NEB: variants seen among roughly 807,000 people sequenced by gnomAD.
The protein encoded by NEB is nemaline myopathy type 2.
In NEB, 512 loss-of-function variants were observed where a neutral mutation model predicts 952.2. That is an observed-to-expected ratio of 0.54 (90% CI 0.50 to 0.58). NEB has a LOEUF of 0.58. Ranked by LOEUF, NEB falls within the 20% of genes least tolerant of loss-of-function variation. The pLI is 0.00. For synonymous variants in NEB, 2,900 were observed against 3,149.8 expected (o/e 0.92, Z 2.66); for missense variants, 8,428 against 9,231.1 (o/e 0.91, Z 3.56).
In NEB at chr2:151,524,392, G is replaced by C. The variant is rs1435249313; in HGVS notation, c.22398C>G (p.Arg7466=). The change falls in exon 153 of 182, where the codon CGC becomes CGG. Residue 7466 remains arginine (R), a synonymous_variant. Coordinates refer to ENST00000397345, the MANE Select transcript of NEB (RefSeq NM_001164508.2). ...TGCTTAAGCCATGGCTGCCTTCCTTGCGGTGCTTGGCTCTGTACTCCACCT... is the reference window on the plus strand; with the variant it reads ...TGCTTAAGCCATGGCTGCCTTCCTTCCGGTGCTTGGCTCTGTACTCCACCT... ...ASEVEYRAKH[R]KEGSHGLSML... 6.2e-7 allele frequency: 1 copy of C among 1,613,960 alleles called. No individual in the cohort carries two copies. The highest frequency in any genetic ancestry group is 1.7e-5 in the Admixed American group (1 of 60,020).
At chr2:151,560,945 A>G (rs201399589) in intron 123 of NEB, 59 bp downstream of exon 123, 7 of 1,044,880 alleles carry the variant, frequency 6.7e-6, no homozygotes, top group African/African-American at 1.6e-5. Flanking sequence ...TTATTCTCTT[A>G]CTGTCCCAGA....
Position 151,519,778 on chromosome 2 carries a change from A to G in NEB, c.22480-10T>C. On this transcript the variant is annotated splice_polypyrimidine_tract_variant and intron_variant, in intron 153 of 181. Transcript: ENST00000397345. ...TTTCTCGGTATTTAACCTAACAGCAAATGCAAACATCCAAATTATTCCTGG... is the reference window on the plus strand; with the variant it reads ...TTTCTCGGTATTTAACCTAACAGCAGATGCAAACATCCAAATTATTCCTGG... 7.8e-6 allele frequency: 12 copies of G among 1,530,706 alleles called. No individual in the cohort carries two copies. The highest frequency in any genetic ancestry group is 1.1e-5 in the Non-Finnish European group (12 of 1,104,672). 94.8% of individuals were successfully genotyped at this position (1,530,706 alleles called of 1,614,324 possible).
At position 151,552,744 on chromosome 2, in the gene NEB, C is replaced by G. The variant is rs572870212; in HGVS notation, c.19764G>C (p.Arg6588Ser). 6.2e-7 allele frequency: 1 copy of G among 1,613,088 alleles called. No homozygotes were observed. Among genetic ancestry groups the G allele is most frequent in the African/African-American group, 1.3e-5 (1 of 74,884 alleles). Reference protein sequence around the residue: ...IKYKAHMLKTRNDYKLVTDTP... With the variant: ...IKYKAHMLKTSNDYKLVTDTP... ...TATCTGTGACAAGCTTGTAGTCATT[C>G]CTTGTTTTCAACATGTGAGCTTTAT... Residue 6588 changes from arginine to serine, a missense_variant, in exon 128 of 182, where the codon AGG becomes AGC. By Grantham distance (110) the Arg-to-Ser change is moderately radical. Transcript: ENST00000397345.
rs1381693818 is a variant in NEB, at chr2:151,697,269, T to C, written c.1366-17A>G. 1.2e-6 allele frequency: 2 copies of C among 1,612,032 alleles called. No homozygotes were observed. Among genetic ancestry groups the C allele is most frequent in the Admixed American group, 3.3e-5 (2 of 60,026 alleles). On this transcript the variant is annotated splice_polypyrimidine_tract_variant and intron_variant, in intron 15 of 181. Transcript: ENST00000397345. ...GTAGTTTTTCTATGAGGAGAAGAAA[T>C]TAGGCATAAGATGCAGCCATTGTAT...
intron 74 of NEB, 51 bp downstream of exon 74, chr2:151,618,224 A>C: frequency 6.7e-7 from 1 of 1,500,740 alleles, no homozygotes; most frequent in Non-Finnish European, 9.2e-7. Flanking sequence ...AGAATTTTTA[A>C]ATTGTTCTGT....
intron 153 of NEB, among the ~76,000 whole-genome samples, chr2:151,521,410 TAAA>T (rs904250287): frequency 4.1e-5 from 6 of 147,902 alleles, no homozygotes; most frequent in Admixed American, 1.3e-4. Flanking sequence ...ACTCTCAACA[TAAA>T]GAAGTGGAAG....
Position 151,650,633 on chromosome 2 carries a change from A to C in NEB, c.7168T>G (p.Cys2390Gly). Residue 2390 changes from cysteine to glycine, a missense_variant, in exon 53 of 182, where the codon TGT becomes GGT. Transcript: ENST00000397345. ...DYKNYLHQWT[C>G]LPDQNDVVQA... ...ACAACATCGTTCTGATCAGGCAGAC[A>C]TGTCCACTGATGCAGGTAGTTCTTG... 1.9e-6 allele frequency: 3 copies of C among 1,611,860 alleles called. No homozygotes were observed. The highest frequency in any genetic ancestry group is 2.5e-6 in the Non-Finnish European group (3 of 1,178,486).
At chr2:151,618,828 C>T (rs771796745) in intron 73 of NEB, among the ~76,000 whole-genome samples, 4 of 152,070 alleles carry the variant, frequency 2.6e-5, no homozygotes, top group African/African-American at 7.2e-5. Flanking sequence ...ACTGATGGTG[C>T]GTGAGTACTG....
intron 46 of NEB, among the ~76,000 whole-genome samples, chr2:151,660,860 C>G (rs573971362): frequency 2.1e-3 from 317 of 152,268 alleles, no homozygotes; most frequent in South Asian, 8.3e-3. Flanking sequence ...TCTGCATAAT[C>G]CAATATGGTA....
intron 147 of NEB, 79 bp downstream of exon 147, chr2:151,527,402 T>C: frequency 9.0e-7 from 1 of 1,109,796 alleles, no homozygotes; most frequent in Non-Finnish European, 1.3e-6. Context: ...CTCATGATAG[T>C]GGTTATTATA....
intron 20 of NEB, among the ~76,000 whole-genome samples, chr2:151,693,890 T>C (rs986254291): frequency 6.6e-6 from 1 of 152,192 alleles, no homozygotes; most frequent in Non-Finnish European, 1.5e-5. Context: ...ATGCCTTATG[T>C]AGTTTTTCTT....
chr2:151,672,991 AAT>A (rs1254398619), intron 36 of NEB, among the ~76,000 whole-genome samples: 1 of 152,210 alleles, frequency 6.6e-6, no homozygotes, highest in Non-Finnish European at 1.5e-5. Flanking sequence ...ATATAAGGCC[AAT>A]ATCTCTTGGT....
intron 8 of NEB, among the ~76,000 whole-genome samples, chr2:151,723,750 GTT>G (rs11308757): frequency 0.016 from 843 of 51,384 alleles, 11 homozygotes; most frequent in African/African-American, 0.056. Context: ...TGCCTTCTTT[GTT>G]TTTTTTTTTT....
rs568248647 is a variant in NEB at position 151,529,210 on chromosome 2, A to G, written c.21735T>C (p.Asn7245=). 322 of 1,601,018 alleles carry G rather than the reference A, an allele frequency of 2.0e-4. 1 individual carries two copies. The South Asian group carries it at 3.4e-3, about 17-fold the overall frequency. Residue 7245 remains asparagine (N), a splice_region_variant and synonymous_variant, in exon 146 of 182, where the codon AAT becomes AAC. Coordinates refer to ENST00000397345, the MANE Select transcript of NEB (RefSeq NM_001164508.2). ...GCTTGGGGAAGTTTCTGGAACTTAC[A>G]TTGGTGTTGACTTTGTAGGCGTCCT... is the stretch of plus-strand genomic sequence containing the variant. ...AAKDAYKVNT[N]LDYKKQYEAN...
At chr2:151,673,732 C>CTTTTTTTT (rs10716811) in intron 36 of NEB, among the ~76,000 whole-genome samples, 4 of 92,844 alleles carry the variant, frequency 4.3e-5, no homozygotes, top group African/African-American at 7.1e-5. Context: ...TTTTCTTTTT[C>CTTTTTTTT]TTTTTTTTTT....
At chr2:151,696,847 T>C (rs2099600293) in intron 16 of NEB, 112 bp from the exon 17 acceptor site, 1 of 741,870 alleles carries the variant, frequency 1.3e-6, no homozygotes, top group Non-Finnish European at 2.2e-6. Flanking sequence ...AACTTGTAGT[T>C]AATAAAATAT....
chr2:151,672,222 C>A, intron 37 of NEB, 147 bp downstream of exon 37: 1 of 745,278 alleles, frequency 1.3e-6, no homozygotes, highest in Non-Finnish European at 2.1e-6. Flanking sequence ...AGCTTGTCTA[C>A]CATGCCTTTG....
rs2096024618 is a variant in NEB at position 151,561,266 on chromosome 2, A to G, written c.19043T>C (p.Leu6348Pro). The change falls in exon 122 of 182, where the codon CTG becomes CCG. Residue 6348 changes from leucine to proline, a missense_variant. Leu to Pro is a moderately conservative substitution (Grantham distance 98). Transcript: ENST00000397345. ...CACATAGAGGGGCGTGTCTGTGACC[A>G]GATTATAGTTTTGTAGATTTTCTTT... is the stretch of plus-strand genomic sequence containing the variant. ...AGKENLQNYN[L>P]VTDTPLYVTA... 6.2e-7 allele frequency: 1 copy of G among 1,606,958 alleles called. No homozygotes were observed. Among genetic ancestry groups the G allele is most frequent in the African/African-American group, 1.3e-5 (1 of 74,834 alleles).
rs1329876702 is a variant in NEB at position 151,697,144 on chromosome 2, T to G, written c.1470+4A>C. 1.2e-6 allele frequency: 2 copies of G among 1,605,626 alleles called. No homozygotes were observed. The highest frequency in any genetic ancestry group is 2.2e-5 in the East Asian group (1 of 44,822). On this transcript the variant is annotated splice_donor_region_variant and intron_variant, in intron 16 of 181. Transcript: ENST00000397345. Reference sequence around the variant, plus strand: ...CACATTCAAAGTTCAGACTACAGACTTACGTCTTTACACTGATCTAGTTTC... The same window carrying G: ...CACATTCAAAGTTCAGACTACAGACGTACGTCTTTACACTGATCTAGTTTC...
Sources: allele counts gnomAD v4.1 joint callset (sites outside exome capture counted in the v4.1 genomes callset), GRCh38; gene constraint gnomAD v4.1.1; transcripts MANE v1.5; gene names NCBI Gene and HGNC (gene_info 2026-07-23, HGNC 2026-07-21).